The following LINGO2 variants were observed in gnomAD, a reference collection of about 807,000 sequenced individuals.
LINGO2 encodes the protein leucine rich repeat and Ig domain containing 2, also known as leucine-rich repeat and immunoglobulin-like domain-containing nogo receptor-interacting protein 2.
Under a neutral mutation model 30.6 loss-of-function variants are expected in LINGO2, and 14 were observed. The ratio of observed to expected loss-of-function variants is 0.46; its 90% confidence interval spans 0.30 to 0.72. The LOEUF (loss-of-function observed/expected upper bound fraction) is 0.72. LINGO2 is among the 30% of genes least tolerant of loss of function. The pLI is 0.07. For missense variants in LINGO2, 729 were observed against 751.7 expected, an observed-to-expected ratio of 0.97 and a Z score of 0.35; for synonymous variants, 317 against 288.5, an observed-to-expected ratio of 1.10 and a Z score of -1.00.
intron 2 of LINGO2, among the ~76,000 whole-genome samples, chr9:28,382,747 TG>T (rs1821403597): frequency 6.6e-6 from 1 of 152,134 alleles, no homozygotes; most frequent in South Asian, 2.1e-4. Context: ...TTTAACTTGC[TG>T]TGTGCTCTTT....
intron 4 of LINGO2, among the ~76,000 whole-genome samples, chr9:28,087,915 T>C (rs751297512): frequency 1.6e-4 from 25 of 151,992 alleles, no homozygotes; most frequent in Non-Finnish European, 3.1e-4. Context: ...AGAAACTCTT[T>C]GGTTTCAGCA....
the LINGO2 span, among the ~76,000 whole-genome samples, chr9:29,188,672 T>C: frequency 7.1e-6 from 1 of 141,338 alleles, no homozygotes; most frequent in Admixed American, 7.4e-5. Context: ...GCCCCTCACC[T>C]CCCGGATGGG....
At chr9:28,952,322 G>A in the LINGO2 span, among the ~76,000 whole-genome samples, 1 of 152,022 alleles carries the variant, frequency 6.6e-6, no homozygotes, top group African/African-American at 2.4e-5. Flanking sequence ...CTCAAATTTC[G>A]ACCTCACTAC....
At chr9:28,964,451 T>C in the LINGO2 span, among the ~76,000 whole-genome samples, 1 of 151,954 alleles carries the variant, frequency 6.6e-6, no homozygotes, top group Non-Finnish European at 1.5e-5. Context: ...AGCATCATGA[T>C]ATACATGGAA....
the LINGO2 span, among the ~76,000 whole-genome samples, chr9:28,987,528 C>T: frequency 3.3e-5 from 5 of 151,676 alleles, no homozygotes; most frequent in African/African-American, 7.3e-5. Context: ...TTTTCTAGTC[C>T]GTATTTCATT....
intron 4 of LINGO2, among the ~76,000 whole-genome samples, chr9:28,197,321 G>A (rs1820048125): frequency 6.6e-6 from 1 of 151,810 alleles, no homozygotes; most frequent in Non-Finnish European, 1.5e-5. Context: ...TGGGAAGCTA[G>A]TCTACACAAC....
the LINGO2 span, among the ~76,000 whole-genome samples, chr9:28,754,280 G>C: frequency 6.6e-6 from 1 of 151,942 alleles, no homozygotes; most frequent in Non-Finnish European, 1.5e-5. Flanking sequence ...TGTTCATCTG[G>C]ATAAATATCT....
chr9:28,471,000 T>C (rs1825498512), intron 2 of LINGO2, among the ~76,000 whole-genome samples: 1 of 149,976 alleles, frequency 6.7e-6, no homozygotes, highest in Admixed American at 6.7e-5. Flanking sequence ...TAATAGGAAA[T>C]TATAGGTTTT....
the LINGO2 span, among the ~76,000 whole-genome samples, chr9:28,839,127 A>T: frequency 6.6e-6 from 1 of 152,178 alleles, no homozygotes; most frequent in African/African-American, 2.4e-5. Flanking sequence ...GGGCTCCCCA[A>T]GGGGCTGCAG....
the LINGO2 span, among the ~76,000 whole-genome samples, chr9:28,888,519 T>C: frequency 2.0e-5 from 3 of 152,120 alleles, no homozygotes; most frequent in South Asian, 2.1e-4. Flanking sequence ...GGAATACATA[T>C]GATTTTTAAT....
intron 5 of LINGO2, among the ~76,000 whole-genome samples, chr9:27,961,135 A>G (rs1214074163): frequency 1.3e-5 from 2 of 152,178 alleles, no homozygotes; most frequent in Non-Finnish European, 2.9e-5. Flanking sequence ...ATTACAAAAT[A>G]GGCTTTCTGT....
At chr9:28,106,706 T>C (rs1277811941) in intron 4 of LINGO2, among the ~76,000 whole-genome samples, 1 of 152,182 alleles carries the variant, frequency 6.6e-6, no homozygotes, top group Non-Finnish European at 1.5e-5. Flanking sequence ...TCCTACAGTC[T>C]GACAGTTCTG....
At chr9:28,415,544 C>T (rs531292589) in intron 2 of LINGO2, among the ~76,000 whole-genome samples, 12 of 152,052 alleles carry the variant, frequency 7.9e-5, no homozygotes, top group Non-Finnish European at 1.5e-4. Context: ...TCCTATCTTC[C>T]GATCTTTTCT....
the LINGO2 span, among the ~76,000 whole-genome samples, chr9:28,860,505 T>C: frequency 6.6e-6 from 1 of 152,018 alleles, no homozygotes; most frequent in African/African-American, 2.4e-5. Flanking sequence ...CATCGGATTT[T>C]GGACTTGCCA....
At chr9:28,741,049 G>A in the LINGO2 span, among the ~76,000 whole-genome samples, 1 of 151,972 alleles carries the variant, frequency 6.6e-6, no homozygotes, top group Non-Finnish European at 1.5e-5. Context: ...GAGTTCACAT[G>A]AGCTAGTCTT....
intron 4 of LINGO2, among the ~76,000 whole-genome samples, chr9:28,062,210 A>G (rs1825166268): frequency 6.6e-6 from 1 of 152,074 alleles, no homozygotes; most frequent in Non-Finnish European, 1.5e-5. Flanking sequence ...AGATTCCCAT[A>G]GAATGCAGTA....
chr9:28,738,215 A>AT, the LINGO2 span, among the ~76,000 whole-genome samples: 1 of 151,986 alleles, frequency 6.6e-6, no homozygotes, highest in Non-Finnish European at 1.5e-5. Context: ...AAGTTATTTC[A>AT]TTTTTTTCAG....
At chr9:28,739,963 A>G in the LINGO2 span, among the ~76,000 whole-genome samples, 3 of 149,910 alleles carry the variant, frequency 2.0e-5, no homozygotes, top group South Asian at 6.3e-4. Flanking sequence ...TTTTTTTTCT[A>G]GATGTTATCA....
chr9:28,862,563 C>T, the LINGO2 span, among the ~76,000 whole-genome samples: 4 of 152,008 alleles, frequency 2.6e-5, no homozygotes, highest in Non-Finnish European at 5.9e-5. Context: ...TATGCATAAT[C>T]CACTTCTAAG....
Sources: allele counts gnomAD v4.1 joint callset (sites outside exome capture counted in the v4.1 genomes callset), GRCh38; gene constraint gnomAD v4.1.1; transcripts MANE v1.5; gene names NCBI Gene and HGNC (gene_info 2026-07-23, HGNC 2026-07-21).